The following SLIT3 variants were observed in gnomAD, a reference collection of about 807,000 sequenced individuals.
The protein encoded by SLIT3 is slit guidance ligand 3.
In SLIT3, 68 loss-of-function variants were observed where a neutral mutation model predicts 184.0. That is an observed-to-expected ratio of 0.37 (90% CI 0.30 to 0.45). SLIT3 has a LOEUF of 0.45. Among genes scored for constraint, SLIT3 ranks in the 20% least tolerant of loss-of-function variants. The pLI is 1.00. For synonymous variants in SLIT3, 831 were observed against 828.6 expected (o/e 1.00, Z -0.05); for missense variants, 1,707 against 2,026.0 (o/e 0.84, Z 3.02).
chr5:169,259,816 A>G (rs1766103253), intron 1 of SLIT3, among the ~76,000 whole-genome samples: 1 of 152,114 alleles, frequency 6.6e-6, no homozygotes, highest in Non-Finnish European at 1.5e-5. Flanking sequence ...TTTTTAGAAA[A>G]TGAAATATAG....
intron 7 of SLIT3, among the ~76,000 whole-genome samples, chr5:168,821,175 A>T (rs1424702442): frequency 1.3e-5 from 2 of 152,062 alleles, no homozygotes; most frequent in Non-Finnish European, 2.9e-5. Flanking sequence ...GTAGAAAAAA[A>T]CCCTCCTGTT....
intron 1 of SLIT3, among the ~76,000 whole-genome samples, chr5:169,272,628 C>T (rs943193102): frequency 1.2e-4 from 18 of 152,172 alleles, no homozygotes; most frequent in African/African-American, 3.9e-4. Flanking sequence ...TCACAGCTTC[C>T]AAGACCATGT....
intron 3 of SLIT3, among the ~76,000 whole-genome samples, chr5:169,208,669 A>T (rs1764155625): frequency 6.6e-6 from 1 of 152,244 alleles, no homozygotes; most frequent in African/African-American, 2.4e-5. Context: ...AACCTAACAA[A>T]AACAAGCAAT....
At chr5:169,256,227 G>T (rs923750492) in intron 1 of SLIT3, among the ~76,000 whole-genome samples, 1 of 152,150 alleles carries the variant, frequency 6.6e-6, no homozygotes, top group African/African-American at 2.4e-5. Context: ...TAGGAGGATT[G>T]CTTGAGCAAT....
intron 20 of SLIT3, among the ~76,000 whole-genome samples, chr5:168,727,795 A>G (rs1763177570): frequency 6.6e-6 from 1 of 152,174 alleles, no homozygotes; most frequent in Non-Finnish European, 1.5e-5. Flanking sequence ...GTATGTATCC[A>G]GCTTATTCCT....
Position 168,762,810 on chromosome 5 carries a change from G to C in SLIT3, c.1460-121C>G, listed in dbSNP as rs1056275693. 4.1e-6 allele frequency: 4 copies of C among 973,884 alleles called. No homozygotes were observed. In the East Asian group the frequency reaches 9.7e-5, roughly 24 times the overall value. 60.3% of individuals were successfully genotyped at this position (973,884 alleles called of 1,614,324 possible). ...TGAGTTGGGGGCTGTTAGGGGTCAA[G>C]TAACAGACACGGCATCGCCTTTGCT... On this transcript the variant is annotated intron_variant, in intron 14 of 35. Transcript: ENST00000519560.
intron 4 of SLIT3, among the ~76,000 whole-genome samples, chr5:169,052,686 TGTCTCA>T (rs1561633074): frequency 6.6e-6 from 1 of 152,148 alleles, no homozygotes; most frequent in Admixed American, 6.5e-5. Context: ...TCCCTGACAA[TGTCTCA>T]GTCCCAATAA....
chr5:168,795,886 G>A (rs927459103), intron 9 of SLIT3, among the ~76,000 whole-genome samples: 4 of 152,128 alleles, frequency 2.6e-5, no homozygotes, highest in African/African-American at 9.7e-5. Flanking sequence ...AGAGAAAGCT[G>A]TAGAAGTAAC....
chr5:169,152,030 C>T (rs570043956), intron 4 of SLIT3, among the ~76,000 whole-genome samples: 4 of 152,312 alleles, frequency 2.6e-5, no homozygotes, highest in Admixed American at 2.0e-4. Context: ...TCAATACTTG[C>T]TGTTGACATC....
chr5:168,831,524 T>C (rs1268842796), intron 6 of SLIT3, among the ~76,000 whole-genome samples: 1 of 152,182 alleles, frequency 6.6e-6, no homozygotes, highest in African/African-American at 2.4e-5. Flanking sequence ...TTAGAAAACA[T>C]AATGATCTCA....
intron 23 of SLIT3, among the ~76,000 whole-genome samples, chr5:168,719,387 G>T (rs1762863911): frequency 6.6e-6 from 1 of 152,148 alleles, no homozygotes; most frequent in Non-Finnish European, 1.5e-5. Context: ...ATTTGTTATA[G>T]AAATGACTTT....
At chr5:168,945,528 G>A (rs1012869700) in intron 4 of SLIT3, among the ~76,000 whole-genome samples, 1 of 152,128 alleles carries the variant, frequency 6.6e-6, no homozygotes, top group African/African-American at 2.4e-5. Context: ...GAGCCACCAC[G>A]CCCGGCCCAG....
At chr5:168,877,528 ATGCTACCAACGAACGGG>A (rs1473162512) in intron 5 of SLIT3, among the ~76,000 whole-genome samples, 4 of 152,154 alleles carry the variant, frequency 2.6e-5, no homozygotes, top group African/African-American at 9.7e-5. Context: ...GCAGACAGAG[ATGCTACCAACGAACGGG>A]TGCTGGTGTC....
chr5:169,125,346 C>T (rs1424081469), intron 4 of SLIT3, among the ~76,000 whole-genome samples: 11 of 152,212 alleles, frequency 7.2e-5, no homozygotes, highest in Admixed American at 2.0e-4. Context: ...TGCACCCGGC[C>T]GCAATTAGGT....
intron 5 of SLIT3, among the ~76,000 whole-genome samples, chr5:168,851,662 C>T (rs1758684662): frequency 6.6e-6 from 1 of 152,098 alleles, no homozygotes; most frequent in Admixed American, 6.5e-5. Context: ...GGCCCAACTC[C>T]CCAAGGTTTA....
chr5:169,293,424 G>C (rs1767413548), intron 1 of SLIT3, among the ~76,000 whole-genome samples: 1 of 152,014 alleles, frequency 6.6e-6, no homozygotes, highest in South Asian at 2.1e-4. Context: ...TGGACAAATG[G>C]ACCTCTTCCA....
At chr5:168,928,982 AATT>A (rs1277014679) in intron 4 of SLIT3, among the ~76,000 whole-genome samples, 3 of 152,212 alleles carry the variant, frequency 2.0e-5, no homozygotes, top group African/African-American at 4.8e-5. Context: ...AATAATGAAT[AATT>A]ATTCATAAAA....
Position 168,700,685 on chromosome 5 carries a change from G to A in SLIT3, c.2845-6C>T. 2 of 1,612,264 alleles carry A rather than the reference G, an allele frequency of 1.2e-6. No homozygotes were observed. The highest frequency in any genetic ancestry group is 8.5e-7 in the Non-Finnish European group (1 of 1,178,462). ...GGCACAGTGCAGTCCTTGCCCTGAGGAGCAAAAGAGGGAGAAGCACCTGGT... is the reference window on the plus strand; with the variant it reads ...GGCACAGTGCAGTCCTTGCCCTGAGAAGCAAAAGAGGGAGAAGCACCTGGT... On this transcript the variant is annotated splice_polypyrimidine_tract_variant and splice_region_variant and intron_variant, in intron 26 of 35. Transcript: ENST00000519560.
chr5:169,034,874 G>A (rs1055949938), intron 4 of SLIT3, among the ~76,000 whole-genome samples: 1 of 150,966 alleles, frequency 6.6e-6, no homozygotes, highest in Non-Finnish European at 1.5e-5. Flanking sequence ...AGCCCCTTAA[G>A]TAGCTGGGAC....
Sources: gnomAD v4.1 joint callset for allele counts (sites outside exome capture counted in the v4.1 genomes callset) on GRCh38, gnomAD v4.1.1 for gene constraint, MANE v1.5 for transcripts, NCBI Gene and HGNC (gene_info 2026-07-23, HGNC 2026-07-21) for gene names.